Variants in KIAA2012 observed in about 807,000 individuals in gnomAD.
The protein encoded by KIAA2012 is KIAA2012.
Under a neutral mutation model 150.6 loss-of-function variants are expected in KIAA2012, and 125 were observed. The ratio of observed to expected loss-of-function variants is 0.83; its 90% confidence interval spans 0.72 to 0.96. The LOEUF is 0.96. Among genes scored for constraint, KIAA2012 ranks in the 40% least tolerant of loss-of-function variants. KIAA2012 has a pLI of 0.00. For missense variants in KIAA2012, 1,219 were observed against 1,354.9 expected (o/e 0.90, Z 1.57); for synonymous variants, 462 against 504.7 (o/e 0.92, Z 1.13).
chr2:202,092,874 A>C lies in KIAA2012; in HGVS notation c.530-156A>C, dbSNP rs183028769. Among the ~76,000 whole-genome samples, 197 of 152,268 alleles carry C rather than the reference A, an allele frequency of 1.3e-3. 2 individuals are homozygous for C. The highest frequency in any genetic ancestry group is 3.4e-3 in the Middle Eastern group (1 of 294). On this transcript the variant is annotated intron_variant, in intron 3 of 23. Coordinates refer to ENST00000498697, the MANE Select transcript of KIAA2012 (RefSeq NM_001277372.4). ...GATAGACAAGGCCTCTGTGGGTTCT[A>C]TCTGACTTTTTAATCTCCCTCATCT...
rs189062863 is a variant in KIAA2012 at position 202,085,163 on chromosome 2, T to C, written c.370-5607T>C. Among the ~76,000 whole-genome samples the C allele has an allele frequency of 6.8e-4, 103 of 152,296 alleles. 1 individual carries two copies. The highest frequency in any genetic ancestry group is 5.8e-4 in the East Asian group (3 of 5,182). On this transcript the variant is annotated intron_variant, in intron 2 of 23. Transcript: ENST00000498697. ...ACATTATTAACCAACTTCATGGGCA[T>C]AATTTGAGAAGTTATTAAAAGAAAC...
At chr2:202,075,302 T>C (rs1434945359) in intron 2 of KIAA2012, 127 bp downstream of exon 2, 9 of 1,079,784 alleles carry the variant, frequency 8.3e-6, no homozygotes, top group South Asian at 6.9e-5. Context: ...TATTTCTTCA[T>C]CTCTAAAATG....
chr2:202,196,865 G>A lies in KIAA2012; in HGVS notation c.3253G>A (p.Glu1085Lys). Residue 1085 changes from glutamate to lysine, a missense_variant, in exon 22 of 24, where the codon GAA (glutamate) becomes AAA (lysine). Glu to Lys is a moderately conservative substitution (Grantham distance 56). Transcript: ENST00000498697. The part of the protein sequence containing the change: ...QLEEEQKHLM[E>K]MAEEERLEYQ... ...AGAAGAAGAACAAAAACACCTGATG[G>A]AAATGGCTGAAGAGGAACGACTGGA... 1 of 1,550,682 alleles carries A rather than the reference G, an allele frequency of 6.4e-7. No homozygotes were observed. Among genetic ancestry groups the A allele is most frequent in the Non-Finnish European group, 8.7e-7 (1 of 1,147,002 alleles).
At chr2:202,136,814 C>CGG (rs1691075228) in intron 12 of KIAA2012, 1 of 152,342 alleles carries the variant, frequency 6.6e-6, no homozygotes, top group East Asian at 1.9e-4. Flanking sequence ...GCTCCTCCAG[C>CGG]ACGCCAGAGC....
intron 11 of KIAA2012, among the ~76,000 whole-genome samples, chr2:202,121,208 GGA>G (rs1209202544): frequency 1.3e-5 from 2 of 152,162 alleles, no homozygotes; most frequent in Non-Finnish European, 2.9e-5. Flanking sequence ...GTAACTTTAC[GGA>G]GCAGAGCCAC....
chr2:202,153,922 G>A (rs935744869), intron 13 of KIAA2012, among the ~76,000 whole-genome samples: 3 of 152,178 alleles, frequency 2.0e-5, no homozygotes. Context: ...GGCCTTTGAA[G>A]GTATCAAGCA....
chr2:202,192,935 T>A (rs1253925451), intron 19 of KIAA2012, among the ~76,000 whole-genome samples: 2 of 152,188 alleles, frequency 1.3e-5, no homozygotes, highest in Non-Finnish European at 2.9e-5. Context: ...TTTTGAAAGC[T>A]CCTTGGGTGA....
chr2:202,136,129 G>A, intron 12 of KIAA2012: 1 of 291,686 alleles, frequency 3.4e-6, no homozygotes, highest in Non-Finnish European at 7.0e-6. Flanking sequence ...AAGGTGGTGT[G>A]TCCAGAGTTT....
chr2:202,115,420 T>G (rs1213283443), intron 11 of KIAA2012: 1 of 152,168 alleles, frequency 6.6e-6, no homozygotes, highest in Non-Finnish European at 1.5e-5. Flanking sequence ...CTCTCCAAAC[T>G]TTTGCTCAAG....
At chr2:202,124,964 G>T (rs1279698720) in intron 11 of KIAA2012, among the ~76,000 whole-genome samples, 5 of 152,212 alleles carry the variant, frequency 3.3e-5, no homozygotes, top group Non-Finnish European at 4.4e-5. Context: ...CAGCTAGCCA[G>T]GTGGTTGAGG....
intron 22 of KIAA2012, chr2:202,201,792 G>A (rs1370003045): frequency 8.2e-5 from 106 of 1,299,802 alleles, no homozygotes; most frequent in South Asian, 6.8e-4. Flanking sequence ...ATAGGGTAGA[G>A]CCTGAGAAAG....
At chr2:202,122,542 C>T (rs141527293) in intron 11 of KIAA2012, among the ~76,000 whole-genome samples, 1 of 150,878 alleles carries the variant, frequency 6.6e-6, no homozygotes, top group East Asian at 1.9e-4. Flanking sequence ...TTCTTGTTGC[C>T]CAGGCTGGAG....
chr2:202,129,320 A>G (rs1690870711), intron 12 of KIAA2012, among the ~76,000 whole-genome samples: 1 of 151,782 alleles, frequency 6.6e-6, no homozygotes, highest in Non-Finnish European at 1.5e-5. Flanking sequence ...CCCAGGTTCA[A>G]GTGATTCTCA....
intron 11 of KIAA2012, chr2:202,116,022 A>G (rs1342108952): frequency 6.6e-6 from 1 of 152,196 alleles, no homozygotes; most frequent in African/African-American, 2.4e-5. Context: ...AAGTTAACTT[A>G]GAAGGATACA....
chr2:202,094,425 C>A (rs1299231327), intron 4 of KIAA2012, among the ~76,000 whole-genome samples: 3 of 152,166 alleles, frequency 2.0e-5, no homozygotes, highest in Non-Finnish European at 2.9e-5. Flanking sequence ...TTCTCAGAGC[C>A]TGGGGCCATT....
rs530324858 is a variant in KIAA2012, at chr2:202,164,427, G to A, written c.2047-857G>A. 7.2e-5 allele frequency among the ~76,000 whole-genome samples: 11 copies of A among 152,316 alleles called. 1 individual carries two copies. Among genetic ancestry groups the A allele is most frequent in the African/African-American group, 2.4e-4 (10 of 41,580 alleles). ...CTGAAACTTCTCAAATAATTCTAAT[G>A]TGTAGCCAGGGTTGGTAACCATAGT... On this transcript the variant is annotated intron_variant, in intron 14 of 23. Transcript: ENST00000498697.
chr2:202,109,574 G>A, intron 9 of KIAA2012, 39 bp from the exon 10 acceptor site: 1 of 1,478,652 alleles, frequency 6.8e-7, no homozygotes, highest in South Asian at 1.4e-5. Flanking sequence ...TGCTGATTCT[G>A]TTTTCTCACA....
At position 202,184,835 on chromosome 2, in the gene KIAA2012, G is replaced by A. The variant is rs1394627380; in HGVS notation, c.2202G>A (p.Val734=). The A allele has an allele frequency of 6.5e-7, 1 of 1,546,948 alleles. No homozygotes were observed. Among genetic ancestry groups the A allele is most frequent in the South Asian group, 1.2e-5 (1 of 83,502 alleles). ...EHIQTPEADI[V]QKVGRDYDVH... is the part of the protein sequence containing the mutation. ...TCCAGACCCCAGAAGCAGATATTGT[G>A]CAAAAAGTGTAAGTGTTCAAAGTTG... Residue 734 remains valine, a synonymous_variant, in exon 16 of 24, where the codon GTG becomes GTA. Transcript: ENST00000498697.
intron 15 of KIAA2012, among the ~76,000 whole-genome samples, chr2:202,168,417 CAA>C (rs59232782): frequency 8.8e-4 from 81 of 92,126 alleles, no homozygotes; most frequent in Non-Finnish European, 1.3e-3. Context: ...GACTCTGTCT[CAA>C]AAAAAAAAAA....
Sources: allele counts gnomAD v4.1 joint callset (sites outside exome capture counted in the v4.1 genomes callset), GRCh38; gene constraint gnomAD v4.1.1; transcripts MANE v1.5; gene names NCBI Gene and HGNC (gene_info 2026-07-23, HGNC 2026-07-21).